The following ASB3 variants were observed in gnomAD, a reference collection of about 807,000 sequenced individuals.
ASB3 encodes ankyrin repeat and SOCS box containing 3, also known as ankyrin repeat and SOCS box protein 3.
A neutral mutation model predicts 54.5 loss-of-function variants in ASB3; 41 were observed. That is an observed-to-expected ratio of 0.75 (90% CI 0.59 to 0.98). The LOEUF (loss-of-function observed/expected upper bound fraction) is 0.98. ASB3 is among the 50% of genes least tolerant of loss of function. The probability of loss-of-function intolerance (pLI) is 0.00; values close to 1 mark genes in which losing one functional copy is unlikely to be tolerated. For missense variants in ASB3, 733 were observed against 620.0 expected, an observed-to-expected ratio of 1.18 and a Z score of -1.94; for synonymous variants, 266 against 221.2, an observed-to-expected ratio of 1.20 and a Z score of -1.80.
intron 3 of ASB3, 62 bp from the exon 4 acceptor site, chr2:53,729,632 CT>C: frequency 7.0e-7 from 1 of 1,430,486 alleles, no homozygotes; most frequent in South Asian, 1.2e-5. Flanking sequence ...GGACTGGACA[CT>C]TTGGTGATGT....
At chr2:53,744,306 C>T (rs1384503732) in intron 3 of ASB3, among the ~76,000 whole-genome samples, 3 of 150,328 alleles carry the variant, frequency 2.0e-5, no homozygotes, top group Non-Finnish European at 4.4e-5. Flanking sequence ...ATGGCATGAA[C>T]CCGGGACGCA....
At chr2:53,735,998 TAA>T (rs201138986) in intron 3 of ASB3, among the ~76,000 whole-genome samples, 6 of 96,210 alleles carry the variant, frequency 6.2e-5, no homozygotes, top group African/African-American at 2.2e-4. Context: ...ACAAACCTTC[TAA>T]AAAAAAAAAA....
At chr2:53,703,466 A>G (rs1160946503) in intron 7 of ASB3, among the ~76,000 whole-genome samples, 1 of 152,218 alleles carries the variant, frequency 6.6e-6, no homozygotes, top group Admixed American at 6.5e-5. Flanking sequence ...AATAAGGAAG[A>G]GAAAACTTAA....
intron 9 of ASB3, among the ~76,000 whole-genome samples, chr2:53,676,023 C>T (rs1034228639): frequency 2.0e-5 from 3 of 152,056 alleles, no homozygotes; most frequent in Non-Finnish European, 4.4e-5. Flanking sequence ...AGCTATTTAT[C>T]ACCAAGAAAG....
At chr2:53,774,354 T>G in intron 1 of ASB3, 1 of 1,613,358 alleles carries the variant, frequency 6.2e-7, no homozygotes, top group Middle Eastern at 1.7e-4. Flanking sequence ...AAGACATTGC[T>G]GAACAAATTT....
At chr2:53,771,681 C>T (rs959380120) in intron 1 of ASB3, among the ~76,000 whole-genome samples, 5 of 151,876 alleles carry the variant, frequency 3.3e-5, no homozygotes, top group African/African-American at 7.3e-5. Context: ...ATACCTAATA[C>T]GTATAAATTG....
At chr2:53,676,927 C>T (rs570347353) in intron 9 of ASB3, among the ~76,000 whole-genome samples, 6 of 152,268 alleles carry the variant, frequency 3.9e-5, no homozygotes, top group East Asian at 1.9e-4. Flanking sequence ...TGCCACCATG[C>T]CCGATTAATT....
chr2:53,757,236 G>C (rs184061082), intron 2 of ASB3, among the ~76,000 whole-genome samples: 7 of 152,360 alleles, frequency 4.6e-5, no homozygotes, highest in Admixed American at 4.6e-4. Flanking sequence ...TAGTGTGGCT[G>C]CCAGACTTAA....
chr2:53,747,948 A>G (rs1390368761), intron 3 of ASB3, among the ~76,000 whole-genome samples: 1 of 152,214 alleles, frequency 6.6e-6, no homozygotes, highest in Non-Finnish European at 1.5e-5. Context: ...TTTTGTCAAT[A>G]AACATGTTTT....
chr2:53,747,308 G>A (rs1399991608), intron 3 of ASB3, among the ~76,000 whole-genome samples: 4 of 152,192 alleles, frequency 2.6e-5, no homozygotes, highest in African/African-American at 9.7e-5. Context: ...CACTTAGAGA[G>A]GCTGAGGCAG....
intron 7 of ASB3, among the ~76,000 whole-genome samples, chr2:53,711,143 A>G (rs1670071907): frequency 6.6e-6 from 1 of 152,090 alleles, no homozygotes; most frequent in Non-Finnish European, 1.5e-5. Context: ...AACAAAACAA[A>G]ATAAAAAACA....
chr2:53,701,342 T>A (rs947101183), intron 7 of ASB3, among the ~76,000 whole-genome samples: 1 of 152,220 alleles, frequency 6.6e-6, no homozygotes, highest in Non-Finnish European at 1.5e-5. Context: ...ATCTTAAAAT[T>A]AATTAACTTC....
intron 7 of ASB3, among the ~76,000 whole-genome samples, chr2:53,703,610 A>G (rs567784684): frequency 1.3e-5 from 2 of 152,184 alleles, no homozygotes; most frequent in Non-Finnish European, 2.9e-5. Context: ...AAACAACAAG[A>G]ATAAAGAAAA....
intron 3 of ASB3, among the ~76,000 whole-genome samples, chr2:53,737,420 G>A (rs1156842474): frequency 6.6e-6 from 1 of 152,110 alleles, no homozygotes; most frequent in East Asian, 1.9e-4. Context: ...AGAGAAGAGT[G>A]AATTGTGCAG....
chr2:53,777,532 C>G (rs138744353), intron 1 of ASB3, among the ~76,000 whole-genome samples: 1 of 152,336 alleles, frequency 6.6e-6, no homozygotes, highest in Non-Finnish European at 1.5e-5. Context: ...CTCTCTCAAC[C>G]TCTTCATATG....
intron 7 of ASB3, among the ~76,000 whole-genome samples, chr2:53,707,835 A>T (rs576959751): frequency 6.6e-6 from 1 of 151,466 alleles, no homozygotes; most frequent in Admixed American, 6.6e-5. Flanking sequence ...GGTGTCACAT[A>T]CCTGTAATCC....
intron 9 of ASB3, among the ~76,000 whole-genome samples, chr2:53,683,810 G>A (rs1297555351): frequency 1.3e-5 from 2 of 151,976 alleles, no homozygotes; most frequent in Non-Finnish European, 2.9e-5. Flanking sequence ...CGGTTATAAT[G>A]TCTTCTTTTT....
chr2:53,726,032 A>C (rs559465446), intron 5 of ASB3, among the ~76,000 whole-genome samples: 27 of 152,304 alleles, frequency 1.8e-4, no homozygotes, highest in African/African-American at 6.5e-4. Context: ...AGTTGGAAAA[A>C]TTACAGACAA....
At position 53,765,423 on chromosome 2, in the gene ASB3, T is replaced by G. The variant is rs764217928; in HGVS notation, c.150A>C (p.Ala50=). 1.9e-6 allele frequency: 3 copies of G among 1,614,142 alleles called. No individual in the cohort carries two copies. Residue 50 remains alanine, a synonymous_variant, in exon 2 of 10, where the codon GCA becomes GCC. Coordinates refer to ENST00000263634, the MANE Select transcript of ASB3 (RefSeq NM_016115.5). ...DNRGWMPIHE[A]AYHNSVECLQ... ...AACATTCTACAGAGTTGTGATAAGC[T>G]GCTTCATGAATTGGCATCCATCCCC...
Sources: allele counts gnomAD v4.1 joint callset (sites outside exome capture counted in the v4.1 genomes callset), GRCh38; gene constraint gnomAD v4.1.1; transcripts MANE v1.5; gene names NCBI Gene and HGNC (gene_info 2026-07-23, HGNC 2026-07-21).